The following ABTB2 variants were observed in gnomAD, a reference collection of about 807,000 sequenced individuals.
ABTB2 encodes the protein ankyrin repeat and BTB domain containing 2.
Under a neutral mutation model 104.1 loss-of-function variants are expected in ABTB2, and 56 were observed. The ratio of observed to expected loss-of-function variants is 0.54; its 90% CI spans 0.43 to 0.67. The LOEUF (loss-of-function observed/expected upper bound fraction) is 0.67. ABTB2 is among the 30% of genes least tolerant of loss of function. The pLI is 0.00. For synonymous variants in ABTB2, 606 were observed against 608.2 expected, an observed-to-expected ratio of 1.00 and a Z score of 0.05; for missense variants, 1,279 against 1,407.7, an observed-to-expected ratio of 0.91 and a Z score of 1.46.
At chr11:34,237,545 C>T (rs1460265292) in intron 1 of ABTB2, among the ~76,000 whole-genome samples, 2 of 152,132 alleles carry the variant, frequency 1.3e-5, no homozygotes, top group Non-Finnish European at 2.9e-5. Context: ...AAAGGGTAGT[C>T]TCATTTTCTG....
intron 1 of ABTB2, among the ~76,000 whole-genome samples, chr11:34,287,261 A>C (rs1263152209): frequency 2.0e-5 from 3 of 152,110 alleles, no homozygotes; most frequent in African/African-American, 7.2e-5. Context: ...TAATTTAAAA[A>C]ATATACACAG....
At chr11:34,172,418 ATGTG>A (rs1554980673) in intron 4 of ABTB2, among the ~76,000 whole-genome samples, 1 of 84,230 alleles carries the variant, frequency 1.2e-5, no homozygotes, top group Non-Finnish European at 2.3e-5. Context: ...ATATATATAT[ATGTG>A]TGTGTGTGTG....
chr11:34,335,435 A>G (rs1377220997), intron 1 of ABTB2: 7 of 782,728 alleles, frequency 8.9e-6, no homozygotes. Flanking sequence ...CTACTTCTTC[A>G]CTCTAAACAG....
intron 1 of ABTB2, among the ~76,000 whole-genome samples, chr11:34,215,796 T>C (rs1044031648): frequency 1.3e-5 from 2 of 152,234 alleles, no homozygotes; most frequent in Non-Finnish European, 2.9e-5. Context: ...AAAATATTTT[T>C]ATTAATAGCC....
chr11:34,299,351 GT>G (rs928914971), intron 1 of ABTB2, among the ~76,000 whole-genome samples: 3 of 152,128 alleles, frequency 2.0e-5, no homozygotes, highest in East Asian at 1.9e-4. Flanking sequence ...CAAATTGATG[GT>G]TTTTTTTAAA....
chr11:34,163,644 C>A (rs1852753986), intron 9 of ABTB2, among the ~76,000 whole-genome samples: 1 of 152,234 alleles, frequency 6.6e-6, no homozygotes, highest in African/African-American at 2.4e-5. Context: ...CGCAGATCCT[C>A]CTCCTACCTG....
intron 1 of ABTB2, among the ~76,000 whole-genome samples, chr11:34,337,683 A>T: frequency 6.6e-6 from 1 of 152,156 alleles, no homozygotes; most frequent in East Asian, 1.9e-4. Context: ...CCTACAGCTC[A>T]CAGGCTGTAG....
At chr11:34,182,497 T>TGGGGGGGGGGG (rs1157886289) in intron 3 of ABTB2, among the ~76,000 whole-genome samples, 1 of 69,934 alleles carries the variant, frequency 1.4e-5, no homozygotes, top group Non-Finnish European at 2.9e-5. Flanking sequence ...TTGGGTTCTC[T>TGGGGGGGGGGG]GGGGGGGGGG....
intron 1 of ABTB2, among the ~76,000 whole-genome samples, chr11:34,344,448 C>T (rs892442656): frequency 3.9e-5 from 6 of 152,196 alleles, no homozygotes; most frequent in Non-Finnish European, 7.3e-5. Context: ...TATTTCAATC[C>T]ATCATATGAC....
At chr11:34,158,652 G>A (rs1030782901) in intron 14 of ABTB2, among the ~76,000 whole-genome samples, 1 of 152,200 alleles carries the variant, frequency 6.6e-6, no homozygotes, top group African/African-American at 2.4e-5. Flanking sequence ...TCTCAGTGGG[G>A]TTCAGCTGAG....
At chr11:34,341,198 A>AT (rs1855258145) in intron 1 of ABTB2, among the ~76,000 whole-genome samples, 1 of 152,146 alleles carries the variant, frequency 6.6e-6, no homozygotes, top group Non-Finnish European at 1.5e-5. Flanking sequence ...CCTGGGAGGT[A>AT]TTTTTTAAAA....
intron 3 of ABTB2, among the ~76,000 whole-genome samples, chr11:34,177,513 C>A (rs762109153): frequency 2.0e-5 from 3 of 152,040 alleles, no homozygotes; most frequent in Non-Finnish European, 4.4e-5. Context: ...CTTTGTGTTC[C>A]CTTTGTCTGT....
At chr11:34,336,890 G>A (rs1174593129) in intron 1 of ABTB2, among the ~76,000 whole-genome samples, 1 of 152,030 alleles carries the variant, frequency 6.6e-6, no homozygotes, top group Non-Finnish European at 1.5e-5. Context: ...AGCATTTTAC[G>A]AGGTGTAGTT....
rs79294051 is a variant in ABTB2, at chr11:34,268,617, G to A, written c.884-63927C>T. On this transcript the variant is annotated intron_variant, in intron 1 of 16. Transcript: ENST00000435224. ...GCAGGGTGGGCCAGCCACTGCGTGAGTTTCCTGGGGCTTCTGTAACAAAGT... is the reference window on the plus strand; with the variant it reads ...GCAGGGTGGGCCAGCCACTGCGTGAATTTCCTGGGGCTTCTGTAACAAAGT... Among the ~76,000 whole-genome samples, 385 of 152,364 alleles carry A rather than the reference G, an allele frequency of 2.5e-3. 11 individuals are homozygous for A. In the East Asian group the frequency reaches 0.069, roughly 27 times the overall value.
chr11:34,334,450 TG>T (rs1371628007), intron 1 of ABTB2, among the ~76,000 whole-genome samples: 2 of 152,344 alleles, frequency 1.3e-5, no homozygotes, highest in East Asian at 3.9e-4. Context: ...AGGTGGTTCA[TG>T]GGATAATAAA....
chr11:34,239,701 G>A (rs1290590217), intron 1 of ABTB2, among the ~76,000 whole-genome samples: 1 of 152,144 alleles, frequency 6.6e-6, no homozygotes, highest in Non-Finnish European at 1.5e-5. Flanking sequence ...CAGACTGCAA[G>A]ACAGGCCTTT....
intron 1 of ABTB2, among the ~76,000 whole-genome samples, chr11:34,275,781 A>C (rs146512341): frequency 3.9e-5 from 6 of 152,308 alleles, no homozygotes; most frequent in Admixed American, 3.9e-4. Context: ...ACACTCTGCC[A>C]ATCTTTCATG....
chr11:34,211,195 A>G (rs1485794689), intron 1 of ABTB2, among the ~76,000 whole-genome samples: 2 of 152,138 alleles, frequency 1.3e-5, no homozygotes, highest in Non-Finnish European at 2.9e-5. Flanking sequence ...TACAGCTTCA[A>G]CCTTCGGGGC....
At chr11:34,335,853 T>A (rs532106925) in intron 1 of ABTB2, 19 of 1,189,646 alleles carry the variant, frequency 1.6e-5, no homozygotes, top group Non-Finnish European at 2.1e-5. Context: ...TTTGAGAGCA[T>A]ATATCTGGAG....
Sources: allele counts gnomAD v4.1 joint callset (sites outside exome capture counted in the v4.1 genomes callset), GRCh38; gene constraint gnomAD v4.1.1; transcripts MANE v1.5; gene names NCBI Gene and HGNC (gene_info 2026-07-23, HGNC 2026-07-21).